SMAD9: variants seen among roughly 807,000 people sequenced by gnomAD.
SMAD9 encodes the protein MAD homolog 9.
Under a neutral mutation model 46.1 loss-of-function variants are expected in SMAD9, and 36 were observed. The observed-to-expected ratio is 0.78, with a 90% confidence interval of 0.60 to 1.03. The LOEUF (loss-of-function observed/expected upper bound fraction) is 1.03, where lower values mean the gene tolerates loss of function less well. Among genes scored for constraint, SMAD9 ranks in the 50% least tolerant of loss-of-function variants. SMAD9 has a pLI of 0.00. For synonymous variants in SMAD9, 245 were observed against 237.1 expected, an observed-to-expected ratio of 1.03 and a Z score of -0.31; for missense variants, 572 against 599.8, an observed-to-expected ratio of 0.95 and a Z score of 0.48.
At chr13:36,878,971 CT>C (rs971516558) in intron 2 of SMAD9, among the ~76,000 whole-genome samples, 2 of 152,186 alleles carry the variant, frequency 1.3e-5, no homozygotes, top group Non-Finnish European at 2.9e-5. Flanking sequence ...ATTTTCCTGA[CT>C]AGTTTATCTT....
intron 1 of SMAD9, among the ~76,000 whole-genome samples, chr13:36,918,968 T>C (rs1297027829): frequency 6.6e-6 from 1 of 152,114 alleles, no homozygotes. Flanking sequence ...TTCCAAAAGA[T>C]CATCCGAGAA....
rs548074303 is a variant in SMAD9 at position 36,914,754 on chromosome 13, T to C, written c.-187+5362A>G. Among the ~76,000 whole-genome samples, 21 of 152,326 alleles carry C rather than the reference T, an allele frequency of 1.4e-4. No homozygotes were observed. In the South Asian group the frequency reaches 4.1e-3, roughly 30 times the overall value. ...GTTACCATTAACTCCTGAAATGTGG[T>C]ACTACCAAGTCAGTTAAATTTAGAT... is the stretch of plus-strand genomic sequence containing the variant. On this transcript the variant is annotated intron_variant, in intron 1 of 6. Coordinates refer to ENST00000379826, the MANE Select transcript of SMAD9 (RefSeq NM_001127217.3).
At chr13:36,877,346 G>A (rs1220648528) in intron 2 of SMAD9, among the ~76,000 whole-genome samples, 1 of 151,984 alleles carries the variant, frequency 6.6e-6, no homozygotes, top group Admixed American at 6.6e-5. Context: ...TGCCAACAGA[G>A]CAAGACAAAA....
chr13:36,855,178 G>A (rs571936195), intron 5 of SMAD9, among the ~76,000 whole-genome samples: 11 of 151,060 alleles, frequency 7.3e-5, no homozygotes, highest in Non-Finnish European at 1.5e-4. Flanking sequence ...CTACTTGGGA[G>A]GCGGAGGCTG....
At chr13:36,871,428 G>T (rs1222636021) in intron 3 of SMAD9, among the ~76,000 whole-genome samples, 1 of 152,168 alleles carries the variant, frequency 6.6e-6, no homozygotes, top group African/African-American at 2.4e-5. Context: ...TGAGGTGGGA[G>T]AATTGCTTGA....
chr13:36,912,851 A>C (rs1036834835), intron 1 of SMAD9, among the ~76,000 whole-genome samples: 2 of 152,164 alleles, frequency 1.3e-5, no homozygotes, highest in African/African-American at 2.4e-5. Context: ...AAATTCACAC[A>C]CAGAAAATAC....
At chr13:36,914,083 G>A (rs1417868092) in intron 1 of SMAD9, among the ~76,000 whole-genome samples, 2 of 152,130 alleles carry the variant, frequency 1.3e-5, no homozygotes, top group Admixed American at 6.5e-5. Context: ...AACTCACAAC[G>A]CAGGTGCCTT....
chr13:36,896,461 AAAC>A (rs1430247143), intron 1 of SMAD9, among the ~76,000 whole-genome samples: 1 of 152,034 alleles, frequency 6.6e-6, no homozygotes, highest in South Asian at 2.1e-4. Context: ...CATCCTTCAA[AAAC>A]AACTCTTCCT....
At chr13:36,920,677 A>T (rs894804008), upstream of SMAD9, 2 of 152,380 alleles carry the variant, frequency 1.3e-5, no homozygotes, top group African/African-American at 4.8e-5. Context: ...AAACCAGAAG[A>T]GTTGTCAGCC....
chr13:36,852,670 A>G (rs1240857611), intron 6 of SMAD9, among the ~76,000 whole-genome samples: 1 of 152,164 alleles, frequency 6.6e-6, no homozygotes, highest in African/African-American at 2.4e-5. Flanking sequence ...AACCCTGCCT[A>G]TTTTTGTAGC....
rs144491953 is a variant in SMAD9 at position 36,871,374 on chromosome 13, T to G, written c.670+1284A>C. Among the ~76,000 whole-genome samples the G allele has an allele frequency of 5.6e-3, 859 of 152,190 alleles. 2 individuals are homozygous for G. The highest frequency in any genetic ancestry group is 8.4e-3 in the Non-Finnish European group (569 of 67,996). On this transcript the variant is annotated intron_variant, in intron 3 of 6. Coordinates refer to ENST00000379826, the MANE Select transcript of SMAD9 (RefSeq NM_001127217.3). ...CTCTACTAAAAATGCAAAAACTAGC[T>G]GGGCATGGTGGTACACCCCTGCAAT...
intron 1 of SMAD9, among the ~76,000 whole-genome samples, chr13:36,918,165 AT>A (rs1190683462): frequency 5.9e-5 from 9 of 152,350 alleles, no homozygotes; most frequent in African/African-American, 2.2e-4. Flanking sequence ...AGTTAAAAAA[AT>A]TTTTTAAAGG....
At chr13:36,918,940 C>G (rs562100976) in intron 1 of SMAD9, among the ~76,000 whole-genome samples, 1 of 152,188 alleles carries the variant, frequency 6.6e-6, no homozygotes, top group Non-Finnish European at 1.5e-5. Flanking sequence ...AGCCTCCATG[C>G]TTCTTGCTAA....
At chr13:36,871,425 G>A (rs1411906532) in intron 3 of SMAD9, among the ~76,000 whole-genome samples, 1 of 152,148 alleles carries the variant, frequency 6.6e-6, no homozygotes, top group Non-Finnish European at 1.5e-5. Context: ...GACTGAGGTG[G>A]GAGAATTGCT....
Position 36,865,635 on chromosome 13 carries a change from G to C in SMAD9, c.905C>G (p.Thr302Ser). Residue 302 changes from threonine (T) to serine (S), a missense_variant, in exon 5 of 7, where the codon ACC becomes AGC. Physicochemically the swap from Thr to Ser is moderately conservative, Grantham distance 58. Coordinates refer to ENST00000379826, the MANE Select transcript of SMAD9 (RefSeq NM_001127217.3). ...SSRSVLIDGFTDPSNNRNRFC... is the reference protein window; with the variant it reads ...SSRSVLIDGFSDPSNNRNRFC... ...TCTGTTCCTGTTATTTGAAGGGTCG[G>C]TGAACCCATCTATGAGCACACTTCG... 6.2e-7 allele frequency: 1 copy of C among 1,614,086 alleles called. No homozygotes were observed. The highest frequency in any genetic ancestry group is 8.5e-7 in the Non-Finnish European group (1 of 1,179,966).
intron 2 of SMAD9, among the ~76,000 whole-genome samples, chr13:36,873,258 G>A (rs1284474352): frequency 1.3e-5 from 2 of 152,170 alleles, no homozygotes; most frequent in African/African-American, 4.8e-5. Flanking sequence ...AATGACCAGA[G>A]CTGTCCTAAT....
At chr13:36,905,803 A>C (rs1486989071) in intron 1 of SMAD9, among the ~76,000 whole-genome samples, 10 of 98,652 alleles carry the variant, frequency 1.0e-4, no homozygotes, top group South Asian at 3.2e-4. Context: ...AAAAAAAAAA[A>C]AAAAAAAAAA....
At chr13:36,885,649 T>C (rs956156417) in intron 1 of SMAD9, among the ~76,000 whole-genome samples, 6 of 151,858 alleles carry the variant, frequency 4.0e-5, no homozygotes, top group African/African-American at 1.5e-4. Flanking sequence ...CTGGGTGGAA[T>C]ACCTTTGGTC....
intron 1 of SMAD9, among the ~76,000 whole-genome samples, chr13:36,909,034 A>G (rs567558697): frequency 1.3e-5 from 2 of 152,366 alleles, no homozygotes; most frequent in South Asian, 4.1e-4. Context: ...TTACATCCCT[A>G]AAATACAGTT....
Sources: gnomAD v4.1 joint callset for allele counts (sites outside exome capture counted in the v4.1 genomes callset) on GRCh38, gnomAD v4.1.1 for gene constraint, MANE v1.5 for transcripts, NCBI Gene and HGNC (gene_info 2026-07-23, HGNC 2026-07-21) for gene names.